BIN1: variants seen among roughly 807,000 people sequenced by gnomAD.
The protein encoded by BIN1 is myc box-dependent-interacting protein 1.
Under a neutral mutation model 82.0 loss-of-function variants are expected in BIN1, and 53 were observed. The ratio of observed to expected loss-of-function variants is 0.65; its 90% CI spans 0.52 to 0.81. The LOEUF is 0.81. Among genes scored for constraint, BIN1 ranks in the 40% least tolerant of loss-of-function variants. The probability of loss-of-function intolerance (pLI) is 0.00; values close to 1 mark genes in which losing one functional copy is unlikely to be tolerated. For missense variants in BIN1, 642 were observed against 784.4 expected (o/e 0.82, Z 2.17); for synonymous variants, 302 against 328.0 (o/e 0.92, Z 0.86).
intron 13 of BIN1, 126 bp downstream of exon 13, chr2:127,053,779 C>T: frequency 2.1e-6 from 2 of 935,478 alleles, no homozygotes; most frequent in Admixed American, 4.1e-5. Flanking sequence ...GGGCTGAAGG[C>T]TGAGGTGCCA....
At position 127,082,132 on chromosome 2, in the gene BIN1, G is replaced by T. The variant is rs888657930; in HGVS notation, c.85-5426C>A. Among the ~76,000 whole-genome samples the T allele has an allele frequency of 3.3e-5, 5 of 152,142 alleles. No individual in the cohort carries two copies. Among genetic ancestry groups the T allele is most frequent in the Non-Finnish European group, 7.4e-5 (5 of 68,010 alleles). On this transcript the variant is annotated intron_variant, in intron 1 of 18. Coordinates refer to ENST00000316724, the MANE Select transcript of BIN1 (RefSeq NM_139343.3). This position sits in a 1 kb window ranked among gnomAD's most constrained non-coding sequence, Gnocchi z 6.1. ...GGAGGGCCCCTAGAACAGGACAAAG[G>T]CGAGCCTTCTCCCCACCCCCGCCCC...
intron 14 of BIN1, chr2:127,053,003 C>T (rs1683162627): frequency 3.3e-6 from 1 of 306,504 alleles, no homozygotes; most frequent in South Asian, 3.4e-5. Context: ...TCCCCTCTCC[C>T]CTTCCTCGCA....
At chr2:127,062,004 C>T in intron 10 of BIN1, 111 bp downstream of exon 10, 1 of 1,323,226 alleles carries the variant, frequency 7.6e-7, no homozygotes, top group Non-Finnish European at 1.0e-6. Context: ...TCCCTAGACC[C>T]CCAAGGCCAA....
rs12466914 is a variant in BIN1, at chr2:127,050,551, C to G, written c.1573-29G>C. 62,024 of 1,611,832 alleles carry G rather than the reference C, an allele frequency of 0.038. 2,823 individuals are homozygous for G. Among genetic ancestry groups the G allele is most frequent in the Admixed American group, 0.17 (9,994 of 59,916 alleles). ...CAGAGGATGCGGATCGCAAGTCAGA[C>G]CTTCCGTCCCACCTCCAGCCCTGCA... On this transcript the variant is annotated intron_variant, in intron 17 of 18. Transcript: ENST00000316724.
chr2:127,060,338 G>A (rs1400333008), intron 10 of BIN1, among the ~76,000 whole-genome samples: 1 of 152,216 alleles, frequency 6.6e-6, no homozygotes, highest in Non-Finnish European at 1.5e-5. Flanking sequence ...TGCGCTGGTG[G>A]CCCGGGCACC....
intron 2 of BIN1, among the ~76,000 whole-genome samples, chr2:127,074,598 C>T (rs1047036900): frequency 2.0e-5 from 3 of 152,262 alleles, no homozygotes; most frequent in Non-Finnish European, 1.5e-5. Context: ...CTCTGAGGGA[C>T]AGTGGAGACA....
At chr2:127,074,991 G>T (rs1268958500) in intron 2 of BIN1, among the ~76,000 whole-genome samples, 1 of 152,152 alleles carries the variant, frequency 6.6e-6, no homozygotes, top group South Asian at 2.1e-4. Context: ...GTGAGCTACA[G>T]TGCCCGGCCA....
In BIN1 at chr2:127,057,718, C is replaced by A; in HGVS notation, c.1003-117G>T. On this transcript the variant is annotated intron_variant, in intron 11 of 18. Coordinates refer to ENST00000316724, the MANE Select transcript of BIN1 (RefSeq NM_139343.3). The surrounding 1 kb of genome is among the most constrained non-coding windows in gnomAD (Gnocchi z 5.0). The stretch of plus-strand genomic sequence containing the variant: ...TCACACCTCAGGCCACAGTCCCACC[C>A]AGGCCACTGAGCAGGACGCAGCAAA... 1 of 1,303,416 alleles carries A rather than the reference C, an allele frequency of 7.7e-7. No homozygotes were observed. Among genetic ancestry groups the A allele is most frequent in the African/African-American group, 1.5e-5 (1 of 67,120 alleles). 80.7% of individuals were successfully genotyped at this position (1,303,416 alleles called of 1,614,324 possible). A position where few individuals can be genotyped will look rare whatever the true frequency, so the allele number is the denominator to read the frequency against.
rs149761241 is a variant in BIN1 at position 127,067,213 on chromosome 2, C to A, written c.612+950G>T. 0.018 allele frequency among the ~76,000 whole-genome samples: 2,787 copies of A among 152,238 alleles called. 30 individuals are homozygous for A. Among genetic ancestry groups the A allele is most frequent in the Middle Eastern group, 0.041 (12 of 294 alleles). The stretch of plus-strand genomic sequence containing the variant: ...ATGGGGCAGCTGCCCAGAGAGAAAC[C>A]CAACCTCCGGGGCCGGGCCCCTATC... On this transcript the variant is annotated intron_variant, in intron 7 of 18. Transcript: ENST00000316724. This position sits in a 1 kb window ranked among gnomAD's most constrained non-coding sequence, Gnocchi z 4.7.
chr2:127,071,703 C>A (rs952793898), intron 2 of BIN1, among the ~76,000 whole-genome samples: 1 of 152,214 alleles, frequency 6.6e-6, no homozygotes, highest in African/African-American at 2.4e-5. Context: ...TTTCCAGAAG[C>A]CACGTGCAAA....
intron 15 of BIN1, 125 bp from the exon 16 acceptor site, chr2:127,051,368 G>A (rs1682929519): frequency 1.1e-6 from 1 of 933,298 alleles, no homozygotes. Context: ...TGGCAGCAGG[G>A]TCTAGAGCTG....
rs1267210017 is a variant in BIN1, at chr2:127,059,590, C to G, written c.858-435G>C. Among the ~76,000 whole-genome samples, 2 of 152,150 alleles carry G rather than the reference C, an allele frequency of 1.3e-5. No homozygotes were observed. The highest frequency in any genetic ancestry group is 2.9e-5 in the Non-Finnish European group (2 of 68,020). ...TCTCCCACACCACACGCAGCAGCCC[C>G]TCTGTTCTGGGGTCTGCTCCCCAGC... On this transcript the variant is annotated intron_variant, in intron 10 of 18. Transcript: ENST00000316724. The surrounding 1 kb of genome is among the most constrained non-coding windows in gnomAD (Gnocchi z 6.7).
At chr2:127,066,519 C>T (rs777882318) in intron 7 of BIN1, among the ~76,000 whole-genome samples, 4 of 152,194 alleles carry the variant, frequency 2.6e-5, no homozygotes, top group East Asian at 1.9e-4. Context: ...TTCAGAAACC[C>T]GGGCCCTCCG....
chr2:127,068,785 G>A lies in BIN1; in HGVS notation c.519+139C>T. The A allele has an allele frequency of 1.2e-6, 1 of 819,104 alleles. No individual in the cohort carries two copies. The highest frequency in any genetic ancestry group is 2.0e-6 in the Non-Finnish European group (1 of 493,682). The allele number at this position is 819,104 out of a possible 1,614,324, so 50.7% of individuals were successfully genotyped here. On this transcript the variant is annotated intron_variant, in intron 6 of 18. Transcript: ENST00000316724. The surrounding 1 kb of genome is among the most constrained non-coding windows in gnomAD (Gnocchi z 4.9). ...ACCCACAAGGGCCTCTCACTCACCG[G>A]CCTGGGCCCTGTATCGTCCCCACCC...
rs113052212 is a variant in BIN1 at position 127,065,604 on chromosome 2, C to G, written c.613-1586G>C. Among the ~76,000 whole-genome samples, 956 of 152,282 alleles carry G rather than the reference C, an allele frequency of 6.3e-3. 1 individual carries two copies. The highest frequency in any genetic ancestry group is 0.01 in the Non-Finnish European group (702 of 68,014). On this transcript the variant is annotated intron_variant, in intron 7 of 18. Transcript: ENST00000316724. Reference sequence around the variant, plus strand: ...TCTAAAGTCCCACATTCCGTAAGAACCTGCCTGGACCACCCGGCTCCTGTA... The same window carrying G: ...TCTAAAGTCCCACATTCCGTAAGAAGCTGCCTGGACCACCCGGCTCCTGTA...
intron 2 of BIN1, among the ~76,000 whole-genome samples, chr2:127,076,402 CTA>C (rs113241801): frequency 3.3e-5 from 4 of 121,346 alleles, no homozygotes; most frequent in African/African-American, 9.2e-5. Context: ...ACTACCGTTT[CTA>C]TGTCTCCTAC....
intron 1 of BIN1, among the ~76,000 whole-genome samples, chr2:127,101,343 G>A (rs1271287586): frequency 6.6e-6 from 1 of 152,204 alleles, no homozygotes; most frequent in Non-Finnish European, 1.5e-5. Flanking sequence ...GACGGGAGCT[G>A]CCCACCTGAC....
At chr2:127,088,564 T>C (rs1223559664) in intron 1 of BIN1, among the ~76,000 whole-genome samples, 1 of 152,080 alleles carries the variant, frequency 6.6e-6, no homozygotes, top group Non-Finnish European at 1.5e-5. Context: ...AGTGAGATCC[T>C]ACCCCTACCA....
Position 127,067,173 on chromosome 2 carries a change from G to A in BIN1, c.612+990C>T, listed in dbSNP as rs1036496062. ...CTCAATGAAGATGATGAAATCAAGA[G>A]GAGGCTCCGAAAAAATGGGGCAGCT... On this transcript the variant is annotated intron_variant, in intron 7 of 18. Transcript: ENST00000316724. This position sits in a 1 kb window ranked among gnomAD's most constrained non-coding sequence, Gnocchi z 4.7. Among the ~76,000 whole-genome samples the A allele has an allele frequency of 3.3e-5, 5 of 152,088 alleles. No homozygotes were observed. Among genetic ancestry groups the A allele is most frequent in the Non-Finnish European group, 5.9e-5 (4 of 68,018 alleles).
Sources: allele counts gnomAD v4.1 joint callset (sites outside exome capture counted in the v4.1 genomes callset), GRCh38; gene constraint gnomAD v4.1.1; non-coding constraint Gnocchi (gnomAD v3.1); transcripts MANE v1.5; gene names NCBI Gene and HGNC (gene_info 2026-07-23, HGNC 2026-07-21).